CLUAP1: variants seen among roughly 807,000 people sequenced by gnomAD.
CLUAP1 encodes the protein clusterin-associated protein 1.
CLUAP1 carries 50 observed loss-of-function variants against 55.0 expected under a neutral mutation model. That is an observed-to-expected ratio of 0.91 (90% confidence interval 0.72 to 1.15). CLUAP1 has a LOEUF of 1.15. CLUAP1 is among the 50% of genes most tolerant of loss of function. The probability of loss-of-function intolerance (pLI) is 0.00; values close to 1 mark genes in which losing one functional copy is unlikely to be tolerated. For synonymous variants in CLUAP1, 195 were observed against 175.4 expected (o/e 1.11, Z -0.88); for missense variants, 530 against 507.6 (o/e 1.04, Z -0.42).
At chr16:3,527,085 C>T (rs1172375227) in intron 9 of CLUAP1, among the ~76,000 whole-genome samples, 1 of 152,168 alleles carries the variant, frequency 6.6e-6, no homozygotes, top group Non-Finnish European at 1.5e-5. Flanking sequence ...CTCTCTGTGA[C>T]CAGGCAGCTT....
At position 3,537,815 on chromosome 16, in the gene CLUAP1, A is replaced by C. The variant is rs746877518; in HGVS notation, c.*1544A>C. On this transcript the variant is annotated 3_prime_UTR_variant, in exon 12 of 12. Transcript: ENST00000576634. ...GGGGTTTGAGACCAGCCTGGCCAAC[A>C]TGGCGAAACCCCACCTCTACTAAAA... 3 of 152,160 alleles carry C rather than the reference A, an allele frequency of 2.0e-5. No individual in the cohort carries two copies. The highest frequency in any genetic ancestry group is 2.0e-4 in the Admixed American group (3 of 15,280). 9.4% of individuals were successfully genotyped at this position (152,160 alleles called of 1,614,324 possible).
intron 5 of CLUAP1, 107 bp downstream of exon 5, chr16:3,512,585 T>C: frequency 1.2e-6 from 1 of 833,354 alleles, no homozygotes; most frequent in Non-Finnish European, 2.0e-6. Flanking sequence ...TACACCTGGT[T>C]GAATGAGCTA....
At position 3,523,299 on chromosome 16, in the gene CLUAP1, G is replaced by A. The variant is rs141573014; in HGVS notation, c.855G>A (p.Glu285=). Residue 285 remains glutamate, a splice_region_variant and synonymous_variant, in exon 8 of 12, where the codon GAG becomes GAA. Coordinates refer to ENST00000576634, the MANE Select transcript of CLUAP1 (RefSeq NM_015041.3). ...DHHRMEQERF[E]EAKNTLCLIQ... is the part of the protein sequence containing the mutation. Reference sequence around the variant, plus strand: ...ATAGGATGGAGCAAGAAAGGTTTGAGGTGAGCTGAGCCTGTCCTCTGTTCA... The same window carrying A: ...ATAGGATGGAGCAAGAAAGGTTTGAAGTGAGCTGAGCCTGTCCTCTGTTCA... 10 of 1,610,532 alleles carry A rather than the reference G, an allele frequency of 6.2e-6. No homozygotes were observed. In the African/African-American group the frequency reaches 9.4e-5, roughly 15 times the overall value.
upstream of CLUAP1, among the ~76,000 whole-genome samples, chr16:3,498,445 C>T (rs979073087): frequency 6.6e-6 from 1 of 152,118 alleles, no homozygotes. Flanking sequence ...AAAAGCTAAT[C>T]CTAAAATTCA....
chr16:3,503,837 C>T (rs1231978209), intron 1 of CLUAP1, among the ~76,000 whole-genome samples: 1 of 152,170 alleles, frequency 6.6e-6, no homozygotes, highest in East Asian at 1.9e-4. Context: ...TTCCTGTGCT[C>T]ACACTTTCTG....
chr16:3,529,451 T>TAATATATATTATATTATA (rs2038015308), intron 9 of CLUAP1, among the ~76,000 whole-genome samples: 1 of 57,028 alleles, frequency 1.8e-5, no homozygotes, highest in South Asian at 5.0e-4. Flanking sequence ...ATATTATATA[T>TAATATATATTATATTATA]TATTATATAT....
chr16:3,508,756 T>G (rs139951358), intron 4 of CLUAP1, among the ~76,000 whole-genome samples: 186 of 152,290 alleles, frequency 1.2e-3, no homozygotes, highest in Non-Finnish European at 2.3e-3. Flanking sequence ...GGAGTCAGAC[T>G]GTGAACAATA....
intron 9 of CLUAP1, among the ~76,000 whole-genome samples, chr16:3,529,179 C>T (rs1369369687): frequency 6.6e-6 from 1 of 151,390 alleles, no homozygotes; most frequent in African/African-American, 2.4e-5. Flanking sequence ...ACATAAAATA[C>T]CTAACATAAT....
chr16:3,500,890 C>A (rs544452713), upstream of CLUAP1: 21 of 664,766 alleles, frequency 3.2e-5, no homozygotes, highest in East Asian at 5.0e-4. Context: ...CGCTCTCTGC[C>A]GGCCCGCTCT....
chr16:3,496,380 C>A, upstream of CLUAP1: 2 of 1,197,834 alleles, frequency 1.7e-6, no homozygotes, highest in Non-Finnish European at 2.4e-6. Context: ...ACCAACCGGC[C>A]ACCTCTGTCC....
At chr16:3,520,371 C>G (rs12444950) in intron 7 of CLUAP1, among the ~76,000 whole-genome samples, 1 of 151,710 alleles carries the variant, frequency 6.6e-6, no homozygotes, top group Non-Finnish European at 1.5e-5. Flanking sequence ...GGCCGAGTAA[C>G]AGAACAAGGC....
upstream of CLUAP1, chr16:3,496,651 C>T (rs1272518357): frequency 1.9e-6 from 1 of 533,340 alleles, no homozygotes; most frequent in African/African-American, 1.9e-5. Context: ...GACAGGTGTA[C>T]CGGCATTTCG....
chr16:3,525,831 CGTGGGG>C (rs2037930923), intron 8 of CLUAP1, among the ~76,000 whole-genome samples: 1 of 152,072 alleles, frequency 6.6e-6, no homozygotes, highest in South Asian at 2.1e-4. Context: ...CCTCCCAAAG[CGTGGGG>C]GTTACAGGTG....
At chr16:3,523,083 C>T in intron 7 of CLUAP1, 75 bp from the exon 8 acceptor site, 1 of 1,267,462 alleles carries the variant, frequency 7.9e-7, no homozygotes, top group East Asian at 2.7e-5. Context: ...ACCATGGAAT[C>T]TGAAACTGTG....
intron 8 of CLUAP1, among the ~76,000 whole-genome samples, chr16:3,526,183 C>T (rs1390483772): frequency 1.3e-5 from 2 of 152,198 alleles, no homozygotes; most frequent in Non-Finnish European, 2.9e-5. Flanking sequence ...AGCTGCTTCA[C>T]TCTGGGCGCC....
At chr16:3,520,983 T>C (rs1352121833) in intron 7 of CLUAP1, among the ~76,000 whole-genome samples, 1 of 152,130 alleles carries the variant, frequency 6.6e-6, no homozygotes, top group African/African-American at 2.4e-5. Flanking sequence ...TCTGCTCGGA[T>C]GTTTTGCCTT....
chr16:3,515,829 G>A (rs1018362222), intron 6 of CLUAP1, among the ~76,000 whole-genome samples: 1 of 152,124 alleles, frequency 6.6e-6, no homozygotes, highest in Non-Finnish European at 1.5e-5. Flanking sequence ...TCAGTAATTT[G>A]ATAATTATCA....
At chr16:3,512,221 A>T (rs1596388591) in intron 4 of CLUAP1, among the ~76,000 whole-genome samples, 162 bp from the exon 5 acceptor site, 6 of 151,822 alleles carry the variant, frequency 4.0e-5, no homozygotes, top group African/African-American at 1.4e-4. Context: ...GGCTGGCTGA[A>T]CATGGTGGTT....
At chr16:3,529,700 ATTAT>A (rs1567440115) in intron 9 of CLUAP1, among the ~76,000 whole-genome samples, 3 of 26,946 alleles carry the variant, frequency 1.1e-4, no homozygotes, top group South Asian at 1.3e-3. Flanking sequence ...TATATTATAT[ATTAT>A]ATATTATATA....
Sources: gnomAD v4.1 joint callset for allele counts (sites outside exome capture counted in the v4.1 genomes callset) on GRCh38, gnomAD v4.1.1 for gene constraint, MANE v1.5 for transcripts, NCBI Gene and HGNC (gene_info 2026-07-23, HGNC 2026-07-21) for gene names.